MGST1: variants seen among roughly 807,000 people sequenced by gnomAD.
MGST1 encodes the protein glutathione S-transferase 12.
MGST1 carries 5 observed loss-of-function variants against 8.9 expected under a neutral mutation model. The observed-to-expected ratio is 0.56, with a 90% CI of 0.29 to 1.19. The LOEUF is 1.19. Among genes scored for constraint, MGST1 ranks in the 50% most tolerant of loss-of-function variants. MGST1 has a pLI of 0.08. For missense variants in MGST1, 182 were observed against 187.4 expected, an observed-to-expected ratio of 0.97 and a Z score of 0.17; for synonymous variants, 54 against 67.8, an observed-to-expected ratio of 0.80 and a Z score of 1.00.
chr12:16,408,446 A>G (rs1940714692), intron 1 of MGST1, among the ~76,000 whole-genome samples: 1 of 152,118 alleles, frequency 6.6e-6, no homozygotes, highest in Admixed American at 6.5e-5. Context: ...TTATAATGTG[A>G]TAGTGGTTTT....
intron 4 of MGST1, among the ~76,000 whole-genome samples, chr12:16,563,462 A>G (rs1942476342): frequency 6.6e-6 from 1 of 152,192 alleles, no homozygotes; most frequent in African/African-American, 2.4e-5. Flanking sequence ...ATGTCAATTA[A>G]GCATAAGACA....
At chr12:16,397,582 A>C (rs995964965) in intron 1 of MGST1, among the ~76,000 whole-genome samples, 15 of 152,052 alleles carry the variant, frequency 9.9e-5, no homozygotes, top group African/African-American at 2.4e-5. Context: ...AATAGCAAAA[A>C]AAAACAAACA....
intron 1 of MGST1, among the ~76,000 whole-genome samples, chr12:16,425,902 T>C (rs775287446): frequency 4.6e-5 from 7 of 152,252 alleles, no homozygotes; most frequent in Non-Finnish European, 1.0e-4. Context: ...AGGGAGTTAA[T>C]TCATGCTCGT....
In MGST1 at chr12:16,589,479, T is replaced by A. The variant is rs1418581519; in HGVS notation, n.483-49T>A. ...CTCCGTATAAATTAGGAAGGAAAAA[T>A]TTAAGAAAAATTAATTTAAAATCTC... On this transcript the variant is annotated intron_variant and non_coding_transcript_variant, in intron 4 of 4. Transcript: ENST00000538857. The surrounding 1 kb of genome is among the most constrained non-coding windows in gnomAD (Gnocchi z 4.2). The A allele has an allele frequency of 6.6e-6, 1 of 152,022 alleles. No individual in the cohort carries two copies. The highest frequency in any genetic ancestry group is 1.5e-5 in the Non-Finnish European group (1 of 67,990). The allele number at this position is 152,022 out of a possible 1,614,324, so 9.4% of individuals were successfully genotyped here.
intron 4 of MGST1, among the ~76,000 whole-genome samples, chr12:16,496,557 G>C (rs756742693): frequency 6.6e-6 from 1 of 152,048 alleles, no homozygotes; most frequent in Non-Finnish European, 1.5e-5. Flanking sequence ...GAGGTTTGGG[G>C]TACGACTAAT....
At chr12:16,563,625 TA>T (rs1942482579) in intron 4 of MGST1, among the ~76,000 whole-genome samples, 1 of 152,206 alleles carries the variant, frequency 6.6e-6, no homozygotes, top group East Asian at 1.9e-4. Context: ...CACTCGTTTA[TA>T]AAGTTATCAT....
At chr12:16,405,204 A>G (rs1404810869) in intron 1 of MGST1, among the ~76,000 whole-genome samples, 4 of 152,148 alleles carry the variant, frequency 2.6e-5, no homozygotes, top group Admixed American at 2.6e-4. Context: ...AGATTGTGAC[A>G]TACACACACA....
downstream of MGST1, among the ~76,000 whole-genome samples, chr12:16,441,555 C>T (rs976291088): frequency 6.6e-6 from 1 of 151,802 alleles, no homozygotes; most frequent in East Asian, 1.9e-4. Flanking sequence ...TTTTGTTTTT[C>T]CAGGATGTTA....
intron 1 of MGST1, among the ~76,000 whole-genome samples, chr12:16,391,106 C>G (rs945629364): frequency 6.9e-6 from 1 of 144,830 alleles, no homozygotes; most frequent in Non-Finnish European, 1.5e-5. Flanking sequence ...TGTATGTCTT[C>G]TTTTGGAAAA....
At position 16,401,929 on chromosome 12, in the gene MGST1, T is replaced by G. The variant is rs968845076; in HGVS notation, n.778+18325T>G. The G allele has an allele frequency of 6.2e-7, 1 of 1,609,598 alleles. No homozygotes were observed. The highest frequency in any genetic ancestry group is 1.1e-5 in the South Asian group (1 of 90,976). ...GCGACTGTATATGCCACAACTGCAC[T>G]GATATCTATTTTGTCAAAGCCTTCT... On this transcript the variant is annotated intron_variant and non_coding_transcript_variant, in intron 1 of 1. Coordinates refer to the MGST1 transcript ENST00000359720. The surrounding 1 kb of genome is among the most constrained non-coding windows in gnomAD (Gnocchi z 4.3).
intron 1 of MGST1, among the ~76,000 whole-genome samples, chr12:16,405,033 GTT>G (rs1422438760): frequency 6.6e-6 from 1 of 152,178 alleles, no homozygotes; most frequent in Non-Finnish European, 1.5e-5. Context: ...CTAAGGCAGT[GTT>G]AAGAGGGAAG....
chr12:16,507,257 T>C (rs773148487), intron 4 of MGST1, among the ~76,000 whole-genome samples: 18 of 151,868 alleles, frequency 1.2e-4, no homozygotes, highest in Non-Finnish European at 2.2e-4. Flanking sequence ...AGAGAGAAAA[T>C]ATTAGGTACA....
At chr12:16,415,369 A>G (rs933257752) in intron 1 of MGST1, among the ~76,000 whole-genome samples, 2 of 128,532 alleles carry the variant, frequency 1.6e-5, no homozygotes, top group African/African-American at 6.5e-5. Flanking sequence ...ATGGCCATGA[A>G]TAAAATACAG....
intron 4 of MGST1, among the ~76,000 whole-genome samples, chr12:16,542,342 A>G (rs1941797627): frequency 6.6e-6 from 1 of 152,216 alleles, no homozygotes. Context: ...TGCCACTCTA[A>G]TCAAAAGCAT....
At chr12:16,365,990 T>G (rs948638657), downstream of MGST1, among the ~76,000 whole-genome samples, 2 of 152,250 alleles carry the variant, frequency 1.3e-5, no homozygotes, top group Non-Finnish European at 2.9e-5. Flanking sequence ...CAGGTCTTTG[T>G]TGAACCATTA....
At chr12:16,460,458 C>G (rs1941209669) in intron 4 of MGST1, among the ~76,000 whole-genome samples, 1 of 152,034 alleles carries the variant, frequency 6.6e-6, no homozygotes, top group Non-Finnish European at 1.5e-5. Flanking sequence ...ACTATTTTCT[C>G]TTACATATTC....
intron 4 of MGST1, among the ~76,000 whole-genome samples, chr12:16,536,942 C>G (rs189124751): frequency 6.6e-6 from 1 of 152,242 alleles, no homozygotes; most frequent in Non-Finnish European, 1.5e-5. Context: ...CTCAAGTCCT[C>G]AAATTTCAAA....
chr12:16,466,396 A>G (rs1425209909), intron 4 of MGST1, among the ~76,000 whole-genome samples: 1 of 152,230 alleles, frequency 6.6e-6, no homozygotes, highest in Non-Finnish European at 1.5e-5. Flanking sequence ...GAAGGAATCT[A>G]CTGTATACAA....
chr12:16,352,506 G>A (rs1415837726), intron 1 of MGST1, among the ~76,000 whole-genome samples: 1 of 152,212 alleles, frequency 6.6e-6, no homozygotes, highest in Non-Finnish European at 1.5e-5. Context: ...TTCTGTGGAA[G>A]AGAGAGAAGT....
Sources: gnomAD v4.1 joint callset for allele counts (sites outside exome capture counted in the v4.1 genomes callset) on GRCh38, gnomAD v4.1.1 for gene constraint, Gnocchi (gnomAD v3.1) non-coding constraint, MANE v1.5 for transcripts, NCBI Gene and HGNC (gene_info 2026-07-23, HGNC 2026-07-21) for gene names.